The following NCKAP5 variants were observed in gnomAD, a reference collection of about 807,000 sequenced individuals.
The protein encoded by NCKAP5 is nck-associated protein 5.
Under a neutral mutation model 167.0 loss-of-function variants are expected in NCKAP5, and 92 were observed. The observed-to-expected ratio is 0.55, with a 90% CI of 0.47 to 0.66. The LOEUF (loss-of-function observed/expected upper bound fraction) is 0.66, where lower values mean the gene tolerates loss of function less well. Ranked by LOEUF, NCKAP5 falls within the 30% of genes least tolerant of loss-of-function variation. The pLI, the probability that NCKAP5 is intolerant of heterozygous loss-of-function variation, is 0.00. For missense variants in NCKAP5, 2,378 were observed against 2,315.0 expected (o/e 1.03, Z -0.56); for synonymous variants, 891 against 877.4 (o/e 1.02, Z -0.27).
chr2:133,153,713 C>T (rs1019839449), intron 5 of NCKAP5, among the ~76,000 whole-genome samples: 6 of 152,000 alleles, frequency 3.9e-5, no homozygotes, highest in Admixed American at 3.9e-4. Context: ...TCCATGCTTT[C>T]CTACTGTTCT....
At chr2:133,246,375 G>C (rs1199494330) in intron 4 of NCKAP5, among the ~76,000 whole-genome samples, 2 of 152,084 alleles carry the variant, frequency 1.3e-5, no homozygotes, top group East Asian at 3.9e-4. Context: ...TCAAACTGTA[G>C]GTCACAGCAA....
At chr2:133,222,116 T>G (rs1340036814) in intron 4 of NCKAP5, among the ~76,000 whole-genome samples, 1 of 152,214 alleles carries the variant, frequency 6.6e-6, no homozygotes, top group African/African-American at 2.4e-5. Flanking sequence ...CTCTATGATA[T>G]AAAAGTTAAT....
At chr2:133,269,104 C>G (rs2089390607) in intron 4 of NCKAP5, 1 of 152,152 alleles carries the variant, frequency 6.6e-6, no homozygotes, top group Admixed American at 6.5e-5. Flanking sequence ...TAACTTATAG[C>G]CTAAATTGAC....
At chr2:133,190,895 G>A (rs1207537888) in intron 5 of NCKAP5, among the ~76,000 whole-genome samples, 10 of 151,976 alleles carry the variant, frequency 6.6e-5, no homozygotes, top group African/African-American at 2.2e-4. Context: ...CAAAAGCAAT[G>A]GCAACAAAAG....
chr2:133,417,739 G>C (rs1463743595), intron 3 of NCKAP5, among the ~76,000 whole-genome samples: 1 of 152,120 alleles, frequency 6.6e-6, no homozygotes, highest in Non-Finnish European at 1.5e-5. Context: ...AAATAGCCCT[G>C]GTATTATTTT....
At chr2:133,533,556 C>T (rs1030721504) in intron 2 of NCKAP5, among the ~76,000 whole-genome samples, 6 of 152,102 alleles carry the variant, frequency 3.9e-5, no homozygotes, top group African/African-American at 1.4e-4. Flanking sequence ...CACAAAAAAA[C>T]TAGGTACAGG....
At chr2:133,245,075 C>G (rs566463122) in intron 4 of NCKAP5, among the ~76,000 whole-genome samples, 37 of 152,252 alleles carry the variant, frequency 2.4e-4, no homozygotes, top group African/African-American at 8.7e-4. Flanking sequence ...TCTGCCACTG[C>G]TGGTGGGAGT....
At chr2:132,926,267 C>T in intron 8 of NCKAP5, 1 of 240,726 alleles carries the variant, frequency 4.2e-6, no homozygotes, top group Non-Finnish European at 9.1e-6. Flanking sequence ...GTGTATATAC[C>T]ACGTTTTCTT....
At chr2:132,996,022 A>G (rs2077589321) in intron 6 of NCKAP5, among the ~76,000 whole-genome samples, 1 of 152,208 alleles carries the variant, frequency 6.6e-6, no homozygotes, top group Non-Finnish European at 1.5e-5. Context: ...TAAGGCACAA[A>G]CAAACACATT....
At chr2:133,507,477 A>T (rs149248906) in intron 3 of NCKAP5, among the ~76,000 whole-genome samples, 1 of 152,364 alleles carries the variant, frequency 6.6e-6, no homozygotes, top group East Asian at 1.9e-4. Flanking sequence ...TCGGAAATGG[A>T]CAATTATGAT....
upstream of NCKAP5, among the ~76,000 whole-genome samples, chr2:133,573,019 G>A (rs1360890200): frequency 1.3e-5 from 2 of 152,138 alleles, no homozygotes; most frequent in Admixed American, 6.5e-5. Context: ...AAAATTCTTG[G>A]TAACCATAAC....
intron 5 of NCKAP5, among the ~76,000 whole-genome samples, chr2:133,135,983 A>G: frequency 6.6e-6 from 1 of 152,334 alleles, no homozygotes; most frequent in East Asian, 1.9e-4. Flanking sequence ...ATATTTCAAA[A>G]AGTTCAAAAA....
chr2:132,732,234 T>A (rs1266455998), intron 16 of NCKAP5, among the ~76,000 whole-genome samples, 183 bp from the exon 17 acceptor site: 2 of 139,694 alleles, frequency 1.4e-5, no homozygotes, highest in African/African-American at 2.7e-5. Flanking sequence ...TAGGTGGGAA[T>A]TGAACAATGA....
Position 132,773,871 on chromosome 2 carries a change from C to T in NCKAP5, c.5073G>A (p.Leu1691=), listed in dbSNP as rs764618607. Residue 1691 remains leucine (L), a synonymous_variant, in exon 16 of 20, where the codon TTG becomes TTA. Transcript: ENST00000409261. ...CAACTGCATCGTCTTCATCCTCTTG[C>T]AAGTTTTCATTTGCCTCTTTTACCT... The part of the protein sequence containing the change: ...DSLVKEANEN[L]QEDEDDAVAD... 7 of 1,610,390 alleles carry T rather than the reference C, an allele frequency of 4.3e-6. No individual in the cohort carries two copies. The highest frequency in any genetic ancestry group is 5.9e-6 in the Non-Finnish European group (7 of 1,178,856).
At chr2:133,471,029 C>G (rs1395830113) in intron 3 of NCKAP5, among the ~76,000 whole-genome samples, 1 of 152,262 alleles carries the variant, frequency 6.6e-6, no homozygotes, top group East Asian at 1.9e-4. Flanking sequence ...GCCATCTTGG[C>G]TCCTCCCCCC....
chr2:132,672,881 G>A lies in NCKAP5; in HGVS notation c.*408C>T. On this transcript the variant is annotated 3_prime_UTR_variant, in exon 20 of 20. Coordinates refer to ENST00000409261, the MANE Select transcript of NCKAP5 (RefSeq NM_207363.3). ...CCCTGTCAGAGAAATAAGCTCTGGTGGGTTGCCTGCTGTGAATTTGACAAG... is the reference window on the plus strand; with the variant it reads ...CCCTGTCAGAGAAATAAGCTCTGGTAGGTTGCCTGCTGTGAATTTGACAAG... 1 of 789,792 alleles carries A rather than the reference G, an allele frequency of 1.3e-6. No homozygotes were observed. Among genetic ancestry groups the A allele is most frequent in the Non-Finnish European group, 1.5e-6 (1 of 650,132 alleles). The allele number at this position is 789,792 out of a possible 1,614,324, so 48.9% of individuals were successfully genotyped here.
chr2:133,251,075 A>T (rs1266572520), intron 4 of NCKAP5, among the ~76,000 whole-genome samples: 2 of 152,130 alleles, frequency 1.3e-5, no homozygotes, highest in African/African-American at 4.8e-5. Flanking sequence ...TTCTTTAAAA[A>T]TAAAAAAAAA....
At chr2:133,473,380 GT>G (rs1260651903) in intron 3 of NCKAP5, among the ~76,000 whole-genome samples, 1 of 152,166 alleles carries the variant, frequency 6.6e-6, no homozygotes, top group Non-Finnish European at 1.5e-5. Context: ...TACAGAAGTA[GT>G]TGTCAAAGTT....
chr2:132,910,725 C>T (rs188060044), intron 8 of NCKAP5, among the ~76,000 whole-genome samples: 7 of 152,154 alleles, frequency 4.6e-5, no homozygotes, highest in African/African-American at 1.7e-4. Context: ...TGCTACATTG[C>T]AATTCATTTT....
Sources: allele counts gnomAD v4.1 joint callset (sites outside exome capture counted in the v4.1 genomes callset), GRCh38; gene constraint gnomAD v4.1.1; transcripts MANE v1.5; gene names NCBI Gene and HGNC (gene_info 2026-07-23, HGNC 2026-07-21).